The following PRELID2 variants were observed in gnomAD, a reference collection of about 807,000 sequenced individuals.
PRELID2 encodes the protein PRELI domain-containing protein 2.
Under a neutral mutation model 28.4 loss-of-function variants are expected in PRELID2, and 25 were observed. That is an observed-to-expected ratio of 0.88 (90% CI 0.64 to 1.23). The LOEUF (loss-of-function observed/expected upper bound fraction) is 1.23. PRELID2 is among the 50% of genes most tolerant of loss of function. The pLI, the probability that PRELID2 is intolerant of heterozygous loss-of-function variation, is 0.00. For synonymous variants in PRELID2, 76 were observed against 71.6 expected (o/e 1.06, Z -0.31); for missense variants, 201 against 214.4 (o/e 0.94, Z 0.39).
chr5:145,327,711 C>T, the PRELID2 span, among the ~76,000 whole-genome samples: 1 of 151,838 alleles, frequency 6.6e-6, no homozygotes, highest in Non-Finnish European at 1.5e-5. Context: ...TCCTTTGTGA[C>T]TTTATAATTT....
At chr5:145,256,037 A>T in the PRELID2 span, among the ~76,000 whole-genome samples, 113 of 152,072 alleles carry the variant, frequency 7.4e-4, no homozygotes, top group East Asian at 0.02. Flanking sequence ...AGTAGCTAAA[A>T]CAACACAACT....
At chr5:145,292,576 A>C in the PRELID2 span, among the ~76,000 whole-genome samples, 8 of 152,200 alleles carry the variant, frequency 5.3e-5, no homozygotes, top group Non-Finnish European at 1.2e-4. Context: ...CAAAAGCTTG[A>C]ATAAACTAAA....
intron 1 of PRELID2, among the ~76,000 whole-genome samples, chr5:145,544,774 T>C (rs1752771686): frequency 6.6e-6 from 1 of 152,154 alleles, no homozygotes; most frequent in Non-Finnish European, 1.5e-5. Flanking sequence ...GTTTAGAATT[T>C]TTATCAAATC....
chr5:145,625,501 C>G (rs1427501296), intron 1 of PRELID2, among the ~76,000 whole-genome samples: 1 of 152,100 alleles, frequency 6.6e-6, no homozygotes, highest in Non-Finnish European at 1.5e-5. Flanking sequence ...TTTTATAAAA[C>G]TTATTTATTC....
chr5:145,820,000 A>T lies in PRELID2; in HGVS notation c.152T>A (p.Ile51Asn). 6.2e-7 allele frequency: 1 copy of T among 1,603,152 alleles called. No individual in the cohort carries two copies. ...EEKRDESTGV[I>N]YRKRIAICQN... ...ACAGATTGCAATCCTCTTTCTGTAG[A>T]TGACCCCTGTTGATTCATCTAAAAA... Residue 51 changes from isoleucine to asparagine, a missense_variant, in exon 3 of 7, where the codon ATC becomes AAC. Physicochemically the swap from Ile to Asn is moderately radical, Grantham distance 149 (BLOSUM62 -3). Transcript: ENST00000683046.
rs1399715065 is a variant in PRELID2 at position 145,621,660 on chromosome 5, A to C, written n.70+143271T>G. ...ATTAAATGAGATCCTGGAAGAAGAC[A>C]GTAGAATTGTAGCTATTAGGGGCAT... On this transcript the variant is annotated intron_variant and non_coding_transcript_variant, in intron 1 of 2. Coordinates refer to the PRELID2 transcript ENST00000510259. 2.0e-5 allele frequency among the ~76,000 whole-genome samples: 3 copies of C among 152,360 alleles called. No homozygotes were observed. In the East Asian group the frequency reaches 5.8e-4, roughly 29 times the overall value.
intron 1 of PRELID2, among the ~76,000 whole-genome samples, chr5:145,569,269 T>C (rs547246322): frequency 2.0e-5 from 3 of 152,326 alleles, no homozygotes; most frequent in African/African-American, 7.2e-5. Flanking sequence ...AAGGAACTTA[T>C]TACTTGATTG....
chr5:145,544,541 T>C (rs1384799794), intron 1 of PRELID2, among the ~76,000 whole-genome samples: 1 of 152,132 alleles, frequency 6.6e-6, no homozygotes, highest in East Asian at 1.9e-4. Flanking sequence ...TCTGGAGACT[T>C]GGCATCTCAC....
At chr5:145,570,010 G>A (rs943192759) in intron 1 of PRELID2, among the ~76,000 whole-genome samples, 2 of 152,272 alleles carry the variant, frequency 1.3e-5, no homozygotes, top group African/African-American at 4.8e-5. Context: ...TTCCTTCAGA[G>A]GGCTGCGAGG....
chr5:145,692,782 C>A (rs1291742525), intron 1 of PRELID2, among the ~76,000 whole-genome samples: 1 of 152,160 alleles, frequency 6.6e-6, no homozygotes, highest in Non-Finnish European at 1.5e-5. Flanking sequence ...GCTTCAAGTG[C>A]ACTCCAGTTT....
chr5:145,589,418 C>A (rs1753196958), intron 1 of PRELID2, among the ~76,000 whole-genome samples: 1 of 152,018 alleles, frequency 6.6e-6, no homozygotes, highest in African/African-American at 2.4e-5. Flanking sequence ...TACATGAAAA[C>A]TATCTGAACA....
the PRELID2 span, among the ~76,000 whole-genome samples, chr5:145,278,983 C>T: frequency 7.9e-5 from 12 of 152,254 alleles, no homozygotes; most frequent in South Asian, 2.5e-3. Context: ...AACACTGCAG[C>T]AGTGTAACAC....
At chr5:145,274,981 T>C in the PRELID2 span, among the ~76,000 whole-genome samples, 650 of 152,250 alleles carry the variant, frequency 4.3e-3, 2 homozygotes, top group African/African-American at 0.015. Flanking sequence ...CTTTTCACTA[T>C]GTCCTCACTC....
the PRELID2 span, among the ~76,000 whole-genome samples, chr5:145,335,361 TG>T: frequency 2.0e-5 from 3 of 152,074 alleles, no homozygotes; most frequent in Admixed American, 2.0e-4. Flanking sequence ...TTTTATGTAT[TG>T]TTTTTCCTGG....
intron 1 of PRELID2, among the ~76,000 whole-genome samples, chr5:145,496,788 C>T (rs371178912): frequency 1.3e-5 from 2 of 152,100 alleles, no homozygotes; most frequent in Admixed American, 6.5e-5. Context: ...GTTCACTCCC[C>T]CTTGGTCCTT....
At chr5:145,627,731 A>G (rs1214115704) in intron 1 of PRELID2, among the ~76,000 whole-genome samples, 2 of 152,122 alleles carry the variant, frequency 1.3e-5, no homozygotes, top group African/African-American at 2.4e-5. Flanking sequence ...CCCATCCACA[A>G]CCACTACCAG....
the PRELID2 span, among the ~76,000 whole-genome samples, chr5:145,314,466 A>G: frequency 2.0e-5 from 3 of 152,216 alleles, no homozygotes; most frequent in African/African-American, 7.2e-5. Flanking sequence ...TATTCACTTT[A>G]GAAATACAGT....
chr5:145,442,339 A>C, the PRELID2 span, among the ~76,000 whole-genome samples: 1 of 152,030 alleles, frequency 6.6e-6, no homozygotes, highest in Non-Finnish European at 1.5e-5. Flanking sequence ...CCTGGTACAG[A>C]TCAGGAATTC....
the PRELID2 span, among the ~76,000 whole-genome samples, chr5:145,395,603 A>G: frequency 6.6e-6 from 1 of 152,204 alleles, no homozygotes. Flanking sequence ...GTTGCGTGGT[A>G]TTGAGTAAAA....
Sources: allele counts gnomAD v4.1 joint callset (sites outside exome capture counted in the v4.1 genomes callset), GRCh38; gene constraint gnomAD v4.1.1; transcripts MANE v1.5; gene names NCBI Gene and HGNC (gene_info 2026-07-23, HGNC 2026-07-21).